The following PKIB variants were observed in gnomAD, a reference collection of about 807,000 sequenced individuals.
PKIB encodes cAMP-dependent protein kinase inhibitor beta.
In PKIB, 2 loss-of-function variants were observed where a neutral mutation model predicts 4.5. The ratio of observed to expected loss-of-function variants is 0.44; its 90% confidence interval spans 0.18 to 1.39. The LOEUF (loss-of-function observed/expected upper bound fraction) is 1.39. PKIB is among the 40% of genes most tolerant of loss of function. The pLI is 0.27. For synonymous variants in PKIB, 38 were observed against 36.0 expected (o/e 1.06, Z -0.20); for missense variants, 94 against 92.6 (o/e 1.02, Z -0.06).
At chr6:122,570,010 C>T (rs1351203947) in intron 2 of PKIB, among the ~76,000 whole-genome samples, 3 of 152,114 alleles carry the variant, frequency 2.0e-5, no homozygotes, top group East Asian at 1.9e-4. Flanking sequence ...GGGCTTCTCC[C>T]ACAGGAATGC....
chr6:122,499,173 C>G (rs1005108094), intron 2 of PKIB, among the ~76,000 whole-genome samples: 5 of 152,032 alleles, frequency 3.3e-5, no homozygotes, highest in Non-Finnish European at 5.9e-5. Flanking sequence ...AAAACTATTC[C>G]AAAAAACTGA....
intron 3 of PKIB, among the ~76,000 whole-genome samples, chr6:122,703,163 A>G (rs962216818): frequency 1.3e-5 from 2 of 152,226 alleles, no homozygotes; most frequent in African/African-American, 4.8e-5. Context: ...ATCGTGTATA[A>G]TGTACACATG....
chr6:122,578,822 C>T (rs769388260), intron 2 of PKIB, among the ~76,000 whole-genome samples: 3 of 152,184 alleles, frequency 2.0e-5, no homozygotes, highest in Non-Finnish European at 4.4e-5. Context: ...GTAAACGAAT[C>T]ATGGGGTCAG....
chr6:122,584,262 C>T (rs1005190992), intron 2 of PKIB, among the ~76,000 whole-genome samples: 1 of 152,006 alleles, frequency 6.6e-6, no homozygotes, highest in Admixed American at 6.6e-5. Context: ...CATATTTCAC[C>T]AAATAAGGAT....
At position 122,486,839 on chromosome 6, in the gene PKIB, C is replaced by T. The variant is rs542363180; in HGVS notation, c.-248+8900C>T. Among the ~76,000 whole-genome samples, 246 of 152,188 alleles carry T rather than the reference C, an allele frequency of 1.6e-3. 1 individual carries two copies. The highest frequency in any genetic ancestry group is 5.5e-3 in the African/African-American group (227 of 41,536). ...TTTTAAAACATCTTAGTTGAAATAA[C>T]TCTAGATTTGCAGAAAAGTTATAAT... On this transcript the variant is annotated intron_variant, in intron 2 of 6. Coordinates refer to the PKIB transcript ENST00000392491.
intron 2 of PKIB, among the ~76,000 whole-genome samples, chr6:122,500,479 T>C (rs1333827934): frequency 1.3e-5 from 2 of 152,222 alleles, no homozygotes; most frequent in Non-Finnish European, 2.9e-5. Flanking sequence ...TTGAGTCATT[T>C]CCAATAATGC....
At chr6:122,690,031 G>A (rs1287680427) in intron 3 of PKIB, among the ~76,000 whole-genome samples, 1 of 145,744 alleles carries the variant, frequency 6.9e-6, no homozygotes, top group East Asian at 2.2e-4. Flanking sequence ...TATAGTTTTT[G>A]TCTTGAAGTA....
exon 1 of PKIB, chr6:122,471,950 G>A: frequency 8.8e-7 from 1 of 1,139,758 alleles, no homozygotes; most frequent in South Asian, 1.8e-5. Context: ...CGACACGGCT[G>A]TCTTCTTTCC....
At chr6:122,706,187 G>A (rs544813059) in intron 3 of PKIB, among the ~76,000 whole-genome samples, 1 of 152,170 alleles carries the variant, frequency 6.6e-6, no homozygotes, top group African/African-American at 2.4e-5. Flanking sequence ...GTGTTCTACA[G>A]CCTTTGTGAA....
chr6:122,695,207 A>G (rs1778523888), intron 3 of PKIB, among the ~76,000 whole-genome samples: 1 of 152,214 alleles, frequency 6.6e-6, no homozygotes, highest in African/African-American at 2.4e-5. Flanking sequence ...TTGAGACATG[A>G]AAGGTAAGCT....
At chr6:122,509,435 CTT>C (rs58299203) in intron 2 of PKIB, among the ~76,000 whole-genome samples, 8 of 144,584 alleles carry the variant, frequency 5.5e-5, no homozygotes, top group Admixed American at 1.4e-4. Context: ...TTAAAATTGT[CTT>C]TTTTTTTTTT....
intron 2 of PKIB, chr6:122,643,576 T>A (rs1776198019): frequency 6.6e-6 from 1 of 152,216 alleles, no homozygotes; most frequent in South Asian, 2.1e-4. Context: ...ATAATGGTAA[T>A]TTGAATTCTC....
At chr6:122,670,917 G>T (rs1442709697) in intron 2 of PKIB, among the ~76,000 whole-genome samples, 2 of 152,228 alleles carry the variant, frequency 1.3e-5, no homozygotes, top group Non-Finnish European at 1.5e-5. Flanking sequence ...ATGATGTTCA[G>T]TGGATACATT....
At chr6:122,537,771 T>G (rs1242822027) in intron 2 of PKIB, among the ~76,000 whole-genome samples, 1 of 152,116 alleles carries the variant, frequency 6.6e-6, no homozygotes, top group African/African-American at 2.4e-5. Flanking sequence ...CCACAATGGT[T>G]GAACTAGTTT....
intron 1 of PKIB, among the ~76,000 whole-genome samples, chr6:122,624,839 T>C (rs1775373807): frequency 6.6e-6 from 1 of 152,198 alleles, no homozygotes; most frequent in Non-Finnish European, 1.5e-5. Flanking sequence ...CTAATTGCAA[T>C]GATTAAGTGG....
chr6:122,549,301 G>C (rs1057039767), intron 2 of PKIB, among the ~76,000 whole-genome samples: 1 of 152,144 alleles, frequency 6.6e-6, no homozygotes, highest in East Asian at 1.9e-4. Context: ...ATGGTAACCT[G>C]CTTGAGCAAC....
chr6:122,507,405 T>C (rs1776442406), intron 2 of PKIB, among the ~76,000 whole-genome samples: 1 of 152,190 alleles, frequency 6.6e-6, no homozygotes, highest in African/African-American at 2.4e-5. Context: ...ATATATCTAA[T>C]AGGTATAATT....
chr6:122,535,423 A>T (rs1389749698), intron 2 of PKIB, among the ~76,000 whole-genome samples: 1 of 152,208 alleles, frequency 6.6e-6, no homozygotes, highest in Non-Finnish European at 1.5e-5. Flanking sequence ...TTACTATTTT[A>T]TTAGTAAAAT....
chr6:122,670,406 CAAGGCT>C (rs772951455), intron 2 of PKIB, among the ~76,000 whole-genome samples: 3 of 152,108 alleles, frequency 2.0e-5, no homozygotes, highest in African/African-American at 4.8e-5. Context: ...TGCCCATTGC[CAAGGCT>C]ATTTCTAAAA....
Sources: gnomAD v4.1 joint callset for allele counts (sites outside exome capture counted in the v4.1 genomes callset) on GRCh38, gnomAD v4.1.1 for gene constraint, MANE v1.5 for transcripts, NCBI Gene and HGNC (gene_info 2026-07-23, HGNC 2026-07-21) for gene names.